The following DAB1 variants were observed in gnomAD, a reference collection of about 807,000 sequenced individuals.
DAB1 encodes DAB adaptor protein 1.
A neutral mutation model predicts 64.6 loss-of-function variants in DAB1; 15 were observed. The ratio of observed to expected loss-of-function variants is 0.23; its 90% CI spans 0.16 to 0.36. The LOEUF is 0.36. Ranked by LOEUF, DAB1 falls within the 10% of genes least tolerant of loss-of-function variation. DAB1 has a pLI of 1.00. For synonymous variants in DAB1, 235 were observed against 251.9 expected (o/e 0.93, Z 0.64); for missense variants, 596 against 706.7 (o/e 0.84, Z 1.78).
intron 7 of DAB1, among the ~76,000 whole-genome samples, chr1:57,543,687 G>A (rs1350079250): frequency 2.6e-5 from 4 of 152,160 alleles, no homozygotes; most frequent in Non-Finnish European, 5.9e-5. Context: ...CCTGGGCCAA[G>A]CAGAAAAGGA....
chr1:57,435,593 T>C (rs958306891), intron 7 of DAB1, among the ~76,000 whole-genome samples: 1 of 152,154 alleles, frequency 6.6e-6, no homozygotes, highest in African/African-American at 2.4e-5. Flanking sequence ...AACACACATA[T>C]GAGCCTAGGC....
At chr1:57,673,959 C>T (rs970660952) in intron 6 of DAB1, among the ~76,000 whole-genome samples, 10 of 152,100 alleles carry the variant, frequency 6.6e-5, no homozygotes, top group Admixed American at 6.6e-5. Context: ...CATGGAGAGA[C>T]ATTAAGAGGA....
At chr1:57,057,798 C>G (rs1313646) in intron 9 of DAB1, among the ~76,000 whole-genome samples, 12 of 151,414 alleles carry the variant, frequency 7.9e-5, no homozygotes, top group East Asian at 3.9e-4. Context: ...TTAGTAGAGA[C>G]GGGGTTTCAC....
At chr1:58,341,488 C>G (rs1643932995) in intron 4 of DAB1, among the ~76,000 whole-genome samples, 1 of 152,164 alleles carries the variant, frequency 6.6e-6, no homozygotes, top group Non-Finnish European at 1.5e-5. Flanking sequence ...TTGGAGTTTA[C>G]ACAAAACATA....
At chr1:58,241,297 A>G (rs1660284293) in intron 4 of DAB1, among the ~76,000 whole-genome samples, 1 of 136,036 alleles carries the variant, frequency 7.4e-6, no homozygotes, top group Non-Finnish European at 1.5e-5. Flanking sequence ...TATTTCTTAC[A>G]ATCCATTGTT....
At chr1:58,161,783 A>T (rs1655550414) in intron 4 of DAB1, among the ~76,000 whole-genome samples, 1 of 152,168 alleles carries the variant, frequency 6.6e-6, no homozygotes, top group Non-Finnish European at 1.5e-5. Context: ...TGAACTCCAG[A>T]ATTCATTCCT....
chr1:57,701,085 A>C (rs1201668030), intron 6 of DAB1, among the ~76,000 whole-genome samples: 8 of 151,976 alleles, frequency 5.3e-5, no homozygotes, highest in Admixed American at 1.3e-4. Flanking sequence ...GAGAAACAGG[A>C]ACACTTTTAC....
At chr1:57,349,976 T>A (rs1678445813) in intron 1 of DAB1, among the ~76,000 whole-genome samples, 1 of 152,164 alleles carries the variant, frequency 6.6e-6, no homozygotes, top group Admixed American at 6.5e-5. Context: ...ACTACTTCAT[T>A]TCTATGGCAG....
chr1:57,921,262 G>A (rs930667133), intron 5 of DAB1, among the ~76,000 whole-genome samples: 1 of 152,170 alleles, frequency 6.6e-6, no homozygotes, highest in South Asian at 2.1e-4. Flanking sequence ...CCATGCACGT[G>A]TATATTCTCA....
chr1:57,556,337 CTTT>C (rs1644988018), intron 7 of DAB1, among the ~76,000 whole-genome samples: 1 of 152,140 alleles, frequency 6.6e-6, no homozygotes, highest in Non-Finnish European at 1.5e-5. Flanking sequence ...ACTTTTAGTT[CTTT>C]AAGGAATCTC....
chr1:57,134,339 C>T (rs979923527), intron 4 of DAB1, among the ~76,000 whole-genome samples: 4 of 152,012 alleles, frequency 2.6e-5, no homozygotes, highest in African/African-American at 9.7e-5. Context: ...AATCCCAGCA[C>T]TTTTGGAGGC....
At chr1:58,034,601 T>C (rs758595717) in intron 5 of DAB1, among the ~76,000 whole-genome samples, 3 of 152,058 alleles carry the variant, frequency 2.0e-5, no homozygotes, top group Non-Finnish European at 4.4e-5. Flanking sequence ...AGAAGGTGAG[T>C]TCGAATTGGA....
In DAB1 at chr1:57,047,702, C is replaced by A. The variant is rs78844467; in HGVS notation, c.723+15182G>T. Among the ~76,000 whole-genome samples the A allele has an allele frequency of 4.4e-3, 671 of 152,282 alleles. 5 individuals carry two copies. The highest frequency in any genetic ancestry group is 0.015 in the African/African-American group (622 of 41,556). On this transcript the variant is annotated intron_variant, in intron 9 of 14. Coordinates refer to ENST00000371236, the MANE Select transcript of DAB1 (RefSeq NM_001365792.1). ...CCTCGTCTGTGGTATTTTGTTATGG[C>A]AGCCCAAGTGGATTAAGACATGGCC...
intron 7 of DAB1, among the ~76,000 whole-genome samples, chr1:57,558,206 G>C (rs1645012619): frequency 6.6e-6 from 1 of 152,190 alleles, no homozygotes; most frequent in African/African-American, 2.4e-5. Flanking sequence ...CCCATCCCCA[G>C]TAGTGGCAAC....
intron 3 of DAB1, among the ~76,000 whole-genome samples, chr1:58,402,798 G>C (rs757982886): frequency 5.3e-5 from 8 of 152,160 alleles, no homozygotes; most frequent in Admixed American, 4.6e-4. Context: ...TCCTGCCCCA[G>C]GGGAGTTTAT....
intron 4 of DAB1, among the ~76,000 whole-genome samples, chr1:58,320,944 T>A (rs1662667525): frequency 6.6e-6 from 1 of 152,202 alleles, no homozygotes; most frequent in Non-Finnish European, 1.5e-5. Flanking sequence ...TGGAGCAGCA[T>A]CTTTGGCAGT....
intron 2 of DAB1, among the ~76,000 whole-genome samples, chr1:57,200,020 A>G (rs1167186824): frequency 6.6e-6 from 1 of 152,166 alleles, no homozygotes; most frequent in African/African-American, 2.4e-5. Flanking sequence ...GGCCTCAGAG[A>G]ACTAGGTGAC....
In DAB1 at chr1:57,348,095, T is replaced by C. The variant is rs566012669; in HGVS notation, c.-136-56929A>G. 2.0e-5 allele frequency among the ~76,000 whole-genome samples: 3 copies of C among 152,330 alleles called. No individual in the cohort carries two copies. The East Asian group carries it at 5.8e-4, about 29-fold the overall frequency. ...AGGGTATTTGAGCAGCACAGGAATA[T>C]AAATTTACCTCGAATAACATATCAG... On this transcript the variant is annotated intron_variant, in intron 1 of 14. Coordinates refer to ENST00000371236, the MANE Select transcript of DAB1 (RefSeq NM_001365792.1).
intron 5 of DAB1, among the ~76,000 whole-genome samples, chr1:57,972,512 G>A (rs1164670058): frequency 7.2e-5 from 11 of 152,126 alleles, no homozygotes; most frequent in Admixed American, 7.2e-4. Flanking sequence ...CCAAGTGCTG[G>A]GATTATTCCC....
Sources: gnomAD v4.1 joint callset for allele counts (sites outside exome capture counted in the v4.1 genomes callset) on GRCh38, gnomAD v4.1.1 for gene constraint, MANE v1.5 for transcripts, NCBI Gene and HGNC (gene_info 2026-07-23, HGNC 2026-07-21) for gene names.